Variants in IFT140 observed in about 807,000 individuals in gnomAD.
IFT140 encodes the protein intraflagellar transport 140, also known as intraflagellar transport protein 140 homolog.
In IFT140, 133 loss-of-function variants were observed where a neutral mutation model predicts 164.6. That is an observed-to-expected ratio of 0.81 (90% CI 0.70 to 0.93). The LOEUF (loss-of-function observed/expected upper bound fraction) is 0.93. IFT140 is among the 40% of genes least tolerant of loss of function. The pLI, the probability that IFT140 is intolerant of heterozygous loss-of-function variation, is 0.00. For missense variants in IFT140, 2,045 were observed against 1,972.3 expected, an observed-to-expected ratio of 1.04 and a Z score of -0.70; for synonymous variants, 860 against 817.3, an observed-to-expected ratio of 1.05 and a Z score of -0.89.
chr16:1,600,274 C>A (rs755932426), intron 4 of IFT140, among the ~76,000 whole-genome samples: 5 of 144,998 alleles, frequency 3.4e-5, no homozygotes, highest in Non-Finnish European at 7.5e-5. Flanking sequence ...TAAGAGTCAT[C>A]ACCAATCCCT....
At chr16:1,542,311 T>A (rs2141294447) in intron 19 of IFT140, among the ~76,000 whole-genome samples, 1 of 152,352 alleles carries the variant, frequency 6.6e-6, no homozygotes, top group East Asian at 1.9e-4. Flanking sequence ...TGCGACCACC[T>A]GGCGTGTCTG....
chr16:1,582,244 T>C (rs987349040), intron 12 of IFT140, among the ~76,000 whole-genome samples: 1 of 152,150 alleles, frequency 6.6e-6, no homozygotes, highest in Non-Finnish European at 1.5e-5. Flanking sequence ...GAGATTATAC[T>C]GAGTTATCCA....
intron 28 of IFT140, 31 bp downstream of exon 28, chr16:1,520,100 G>A: frequency 6.2e-7 from 1 of 1,611,178 alleles, no homozygotes; most frequent in Non-Finnish European, 8.5e-7. Flanking sequence ...CCTCCCCGGG[G>A]CCCCGCTGGC....
intron 30 of IFT140, among the ~76,000 whole-genome samples, chr16:1,515,179 T>C (rs958018958): frequency 6.6e-6 from 1 of 151,708 alleles, no homozygotes; most frequent in African/African-American, 2.4e-5. Flanking sequence ...AACACAAATA[T>C]AGATCCCAAA....
At chr16:1,517,162 C>T (rs192946257) in intron 30 of IFT140, among the ~76,000 whole-genome samples, 142 of 152,110 alleles carry the variant, frequency 9.3e-4, no homozygotes, top group Middle Eastern at 3.4e-3. Context: ...CTTGAGGTCA[C>T]GAGTTCAAGA....
In IFT140 at chr16:1,518,055, C is replaced by A. The variant is rs2040414043; in HGVS notation, c.4182+161G>T. The A allele has an allele frequency of 4.6e-6, 3 of 648,144 alleles. No individual in the cohort carries two copies. In the South Asian group the frequency reaches 6.1e-5, roughly 13 times the overall value. The allele number at this position is 648,144 out of a possible 1,614,324, so 40.1% of individuals were successfully genotyped here. On this transcript the variant is annotated intron_variant, in intron 30 of 30. Coordinates refer to ENST00000426508, the MANE Select transcript of IFT140 (RefSeq NM_014714.4). ...GTTTCACCATGTCGCCCAGGCTGCT[C>A]TTGAACTCCTGGGCTCAAGTCATTC...
chr16:1,587,103 G>A, intron 9 of IFT140, 95 bp downstream of exon 9: 1 of 802,292 alleles, frequency 1.2e-6, no homozygotes, highest in Non-Finnish European at 2.2e-6. Context: ...ACCATTGTGT[G>A]AGTAGCCTCC....
At position 1,525,581 on chromosome 16, in the gene IFT140, G is replaced by C. The variant is rs79538708; in HGVS notation, c.2769-255C>G. 8.2e-3 allele frequency among the ~76,000 whole-genome samples: 1,247 copies of C among 152,360 alleles called. 4 individuals are homozygous for C. The highest frequency in any genetic ancestry group is 0.013 in the African/African-American group (524 of 41,588). On this transcript the variant is annotated intron_variant, in intron 21 of 30. Coordinates refer to ENST00000426508, the MANE Select transcript of IFT140 (RefSeq NM_014714.4). ...GTCTAAGAGCAGCTCCTCCTCTGGA[G>C]AGGGTGACATGGGGTTTGTCTGTCC...
chr16:1,545,048 C>G (rs558001894), intron 19 of IFT140, among the ~76,000 whole-genome samples: 2 of 152,236 alleles, frequency 1.3e-5, no homozygotes, highest in African/African-American at 4.8e-5. Context: ...TTACTTCCTG[C>G]AAAATCTTAT....
In IFT140 at chr16:1,589,859, A is replaced by T. The variant is rs112431294; in HGVS notation, c.635-79T>A. On this transcript the variant is annotated intron_variant, in intron 6 of 30. Transcript: ENST00000426508. ...ATGACCCTCACCAGCAGCCATTTCT[A>T]TCAACTTAAGGACATTTTCAAAGCA... is the stretch of plus-strand genomic sequence containing the variant. The T allele has an allele frequency of 0.025, 33,448 of 1,316,074 alleles. 561 individuals carry two copies. Among genetic ancestry groups the T allele is most frequent in the Non-Finnish European group, 0.03 (28,012 of 935,306 alleles). 81.5% of individuals were successfully genotyped at this position (1,316,074 alleles called of 1,614,324 possible). A position where few individuals can be genotyped will look rare whatever the true frequency, so the allele number is the denominator to read the frequency against.
At chr16:1,516,164 AAAAAAAAAAAAAAAC>A (rs1567318521) in intron 30 of IFT140, among the ~76,000 whole-genome samples, 3 of 113,336 alleles carry the variant, frequency 2.6e-5, no homozygotes, top group South Asian at 5.7e-4. Flanking sequence ...AAAAAAAAAA[AAAAAAAAAAAAAAAC>A]ACCAGAAATG....
At chr16:1,579,903 G>T (rs1362465467) in intron 13 of IFT140, among the ~76,000 whole-genome samples, 1 of 150,936 alleles carries the variant, frequency 6.6e-6, no homozygotes, top group African/African-American at 2.4e-5. Context: ...GGCGGAGATT[G>T]CAGCGAGCTG....
At chr16:1,517,040 G>A (rs1433670709) in intron 30 of IFT140, among the ~76,000 whole-genome samples, 1 of 152,124 alleles carries the variant, frequency 6.6e-6, no homozygotes, top group African/African-American at 2.4e-5. Flanking sequence ...GTATATACAA[G>A]TCATTGGAAT....
At position 1,523,571 on chromosome 16, in the gene IFT140, T is replaced by C. The variant is rs1296540144; in HGVS notation, c.3400A>G (p.Ile1134Val). 9 of 1,613,696 alleles carry C rather than the reference T, an allele frequency of 5.6e-6. No homozygotes were observed. Among genetic ancestry groups the C allele is most frequent in the Middle Eastern group, 1.7e-4 (1 of 6,058 alleles). The change falls in exon 26 of 31, where the codon ATC (isoleucine) becomes GTC (valine). Residue 1134 changes from isoleucine (I) to valine (V), a missense_variant. By Grantham distance (29) the Ile-to-Val change is conservative (BLOSUM62 3). Coordinates refer to ENST00000426508, the MANE Select transcript of IFT140 (RefSeq NM_014714.4). Reference sequence around the variant, plus strand: ...GCCCTCTCGTACTGACTGTGCTCGATGAAGAAGTCGGAGCAGCGGGCCAGG... The same window carrying C: ...GCCCTCTCGTACTGACTGTGCTCGACGAAGAAGTCGGAGCAGCGGGCCAGG... ...ALLARCSDFFIEHSQYERAVE... is the reference protein window; with the variant it reads ...ALLARCSDFFVEHSQYERAVE...
At chr16:1,519,352 A>T (rs1176016966) in intron 29 of IFT140, among the ~76,000 whole-genome samples, 1 of 152,204 alleles carries the variant, frequency 6.6e-6, no homozygotes, top group Non-Finnish European at 1.5e-5. Flanking sequence ...TGAAAAGCTG[A>T]GTCACCTGCC....
At chr16:1,595,024 G>A (rs2035382375) in intron 4 of IFT140, among the ~76,000 whole-genome samples, 1 of 152,228 alleles carries the variant, frequency 6.6e-6, no homozygotes, top group African/African-American at 2.4e-5. Context: ...GGTGGCTCAC[G>A]CCTGTAATCC....
intron 19 of IFT140, among the ~76,000 whole-genome samples, chr16:1,542,431 C>T (rs2031739223): frequency 1.3e-5 from 2 of 152,230 alleles, no homozygotes; most frequent in Admixed American, 1.3e-4. Context: ...TGGGTCCTGC[C>T]CCTTCCTCAA....
chr16:1,572,073 C>T (rs2034046456), intron 13 of IFT140, among the ~76,000 whole-genome samples: 1 of 152,012 alleles, frequency 6.6e-6, no homozygotes, highest in African/African-American at 2.4e-5. Context: ...AATGTCCCAC[C>T]CGCGAAAAGC....
chr16:1,573,630 G>C lies in IFT140; in HGVS notation c.1525-2096C>G, dbSNP rs370985864. On this transcript the variant is annotated intron_variant, in intron 13 of 30. Transcript: ENST00000426508. Reference sequence around the variant, plus strand: ...CCAACCTCTCAGGCTAGAAAACTCAGAACATCCTCAGTTCTATACTCTCTG... The same window carrying C: ...CCAACCTCTCAGGCTAGAAAACTCACAACATCCTCAGTTCTATACTCTCTG... 3.6e-3 allele frequency among the ~76,000 whole-genome samples: 551 copies of C among 152,166 alleles called. 20 individuals carry two copies. The South Asian group carries it at 0.099, about 27-fold the overall frequency.
Sources: gnomAD v4.1 joint callset for allele counts (sites outside exome capture counted in the v4.1 genomes callset) on GRCh38, gnomAD v4.1.1 for gene constraint, MANE v1.5 for transcripts, NCBI Gene and HGNC (gene_info 2026-07-23, HGNC 2026-07-21) for gene names.